NUDCD1: variants seen among roughly 807,000 people sequenced by gnomAD.
NUDCD1 encodes NudC domain containing 1.
Under a neutral mutation model 67.8 loss-of-function variants are expected in NUDCD1, and 60 were observed. The ratio of observed to expected loss-of-function variants is 0.88; its 90% CI spans 0.72 to 1.10. NUDCD1 has a LOEUF of 1.10. Ranked by LOEUF, NUDCD1 falls within the 50% of genes least tolerant of loss-of-function variation. The pLI is 0.00. For missense variants in NUDCD1, 643 were observed against 695.0 expected (o/e 0.93, Z 0.84); for synonymous variants, 244 against 230.8 (o/e 1.06, Z -0.52).
At position 109,245,403 on chromosome 8, in the gene NUDCD1, C is replaced by T; in HGVS notation, c.1378G>A (p.Asp460Asn). Residue 460 changes from aspartate to asparagine, a missense_variant, in exon 9 of 10, where the codon GAT becomes AAT. Coordinates refer to ENST00000239690, the MANE Select transcript of NUDCD1 (RefSeq NM_032869.4). ...KEMPCFCLRH[D>N]VDALLWQPHS... ...GGTTGCCAGAGTAGGGCATCAACAT[C>T]ATGGCGCAAACAGAAGCAGGGCATT... The T allele has an allele frequency of 6.2e-7, 1 of 1,613,812 alleles. No individual in the cohort carries two copies. Among genetic ancestry groups the T allele is most frequent in the Non-Finnish European group, 8.5e-7 (1 of 1,179,870 alleles).
chr8:109,276,260 A>C (rs1288806254), intron 6 of NUDCD1, among the ~76,000 whole-genome samples: 1 of 152,172 alleles, frequency 6.6e-6, no homozygotes, highest in African/African-American at 2.4e-5. Flanking sequence ...GACATAGGAG[A>C]AGAAGTAACT....
intron 9 of NUDCD1, among the ~76,000 whole-genome samples, chr8:109,243,907 T>C (rs1813436105): frequency 6.6e-6 from 1 of 152,116 alleles, no homozygotes; most frequent in Admixed American, 6.6e-5. Flanking sequence ...TGTTGATCAC[T>C]ATAACTTCAA....
rs1586285186 is a variant in NUDCD1 at position 109,293,531 on chromosome 8, A to G, written c.460-7T>C. The G allele has an allele frequency of 6.8e-7, 1 of 1,478,340 alleles. No homozygotes were observed. The highest frequency in any genetic ancestry group is 9.1e-7 in the Non-Finnish European group (1 of 1,098,128). 91.6% of individuals were successfully genotyped at this position (1,478,340 alleles called of 1,614,324 possible). On this transcript the variant is annotated splice_region_variant and splice_polypyrimidine_tract_variant and intron_variant, in intron 3 of 9. Transcript: ENST00000239690. Reference sequence around the variant, plus strand: ...GTTCTTCATTAAACATAATCTACAAAACAAAATTACACACACAAAAAAGTG... The same window carrying G: ...GTTCTTCATTAAACATAATCTACAAGACAAAATTACACACACAAAAAAGTG...
Position 109,311,559 on chromosome 8 carries a change from G to GTGTGTATAATA in NUDCD1, c.273+10749_273+10750insTATTATACACA. On this transcript the variant is annotated intron_variant, in intron 2 of 9. Coordinates refer to ENST00000239690, the MANE Select transcript of NUDCD1 (RefSeq NM_032869.4). ...AATGAGTGGATAAAGAAACTGTGGT[G>GTGTGTATAATA]TATATATATATATGATGGGATACTG... 2.2e-4 allele frequency among the ~76,000 whole-genome samples: 27 copies of GTGTGTATAATA among 125,168 alleles called. 2 individuals carry two copies. The highest frequency in any genetic ancestry group is 8.7e-4 in the African/African-American group (25 of 28,756). 82.1% of individuals were successfully genotyped at this position (125,168 alleles called of 152,430 possible).
At chr8:109,310,821 T>C (rs1815228155) in intron 2 of NUDCD1, among the ~76,000 whole-genome samples, 1 of 144,438 alleles carries the variant, frequency 6.9e-6, no homozygotes, top group Admixed American at 6.9e-5. Context: ...TTTTTTTTTT[T>C]TTTTTTTTTT....
Position 109,322,346 on chromosome 8 carries a change from T to C in NUDCD1, c.236A>G (p.Asp79Gly). Reference protein sequence around the residue: ...SWYQDSVYYIDTLGRIMNLTV... With the variant: ...SWYQDSVYYIGTLGRIMNLTV... ...TAAATTCATAATTCTTCCAAGGGTATCAATATAGTAGACACTGTCTTGATA... is the reference window on the plus strand; with the variant it reads ...TAAATTCATAATTCTTCCAAGGGTACCAATATAGTAGACACTGTCTTGATA... The change falls in exon 2 of 10, where the codon GAT becomes GGT. Residue 79 changes from aspartate (D) to glycine (G), a missense_variant. Transcript: ENST00000239690. 6.4e-7 allele frequency: 1 copy of C among 1,565,048 alleles called. No homozygotes were observed. Among genetic ancestry groups the C allele is most frequent in the African/African-American group, 1.3e-5 (1 of 74,238 alleles).
chr8:109,282,562 C>T (rs1234783469), intron 5 of NUDCD1, among the ~76,000 whole-genome samples: 3 of 151,782 alleles, frequency 2.0e-5, no homozygotes, highest in African/African-American at 4.8e-5. Context: ...ATTTGAAGTG[C>T]CAGAATCTCT....
At chr8:109,284,028 T>C (rs1814519008) in intron 5 of NUDCD1, among the ~76,000 whole-genome samples, 1 of 143,366 alleles carries the variant, frequency 7.0e-6, no homozygotes, top group East Asian at 2.0e-4. Context: ...ACAAGGCCCA[T>C]CGGCATTCTA....
chr8:109,279,828 C>T (rs1814390009), intron 6 of NUDCD1, among the ~76,000 whole-genome samples: 5 of 152,066 alleles, frequency 3.3e-5, no homozygotes, highest in African/African-American at 1.2e-4. Context: ...GACGGGGTTT[C>T]ACCATGTTGG....
intron 2 of NUDCD1, among the ~76,000 whole-genome samples, chr8:109,320,771 A>G (rs1469568173): frequency 6.6e-6 from 1 of 152,204 alleles, no homozygotes; most frequent in Admixed American, 6.5e-5. Flanking sequence ...TAATTTGGGG[A>G]GCTAATATAT....
intron 1 of NUDCD1, among the ~76,000 whole-genome samples, chr8:109,330,718 C>A (rs78902864): frequency 0.024 from 3,682 of 152,220 alleles, 136 homozygotes; most frequent in African/African-American, 0.084. Flanking sequence ...TAAAAAGGAA[C>A]ACAATCATAT....
At chr8:109,311,578 G>C (rs1243353277) in intron 2 of NUDCD1, among the ~76,000 whole-genome samples, 1 of 78,998 alleles carries the variant, frequency 1.3e-5, no homozygotes, top group East Asian at 3.0e-4. Context: ...TATATGATGG[G>C]ATACTGCTCA....
intron 6 of NUDCD1, 114 bp from the exon 7 acceptor site, chr8:109,275,610 G>C (rs1440530096): frequency 1.0e-6 from 1 of 985,542 alleles, no homozygotes; most frequent in South Asian, 1.9e-5. Flanking sequence ...CCGGTGTCCA[G>C]AGGATGGTTT....
chr8:109,309,391 C>T (rs1390526962), intron 2 of NUDCD1, among the ~76,000 whole-genome samples: 70 of 152,154 alleles, frequency 4.6e-4, no homozygotes, highest in Non-Finnish European at 1.3e-4. Flanking sequence ...GCAGATAAAG[C>T]ATTCAACAAA....
intron 3 of NUDCD1, among the ~76,000 whole-genome samples, chr8:109,294,428 TA>T (rs35849920): frequency 5.9e-5 from 9 of 151,820 alleles, no homozygotes; most frequent in African/African-American, 1.9e-4. Context: ...AACAAAAGCT[TA>T]AAAAAAATCC....
chr8:109,252,723 A>G (rs1813649314), intron 8 of NUDCD1, among the ~76,000 whole-genome samples: 1 of 152,206 alleles, frequency 6.6e-6, no homozygotes. Context: ...CAGGTGAACC[A>G]GTGTCCCTAT....
intron 2 of NUDCD1, among the ~76,000 whole-genome samples, chr8:109,300,714 G>A (rs1814965643): frequency 6.6e-6 from 1 of 152,182 alleles, no homozygotes; most frequent in Admixed American, 6.5e-5. Context: ...AGCCTTGCTA[G>A]ATACCTAGAC....
At chr8:109,318,036 A>G (rs1032284969) in intron 2 of NUDCD1, among the ~76,000 whole-genome samples, 2 of 152,172 alleles carry the variant, frequency 1.3e-5, no homozygotes, top group Non-Finnish European at 2.9e-5. Flanking sequence ...TAATGGTAAA[A>G]CAGTTTTTAT....
chr8:109,287,713 C>T (rs1358479676), intron 5 of NUDCD1, among the ~76,000 whole-genome samples: 1 of 152,028 alleles, frequency 6.6e-6, no homozygotes, highest in Non-Finnish European at 1.5e-5. Context: ...CATTCGTACT[C>T]CAAATCTAAG....
Sources: allele counts gnomAD v4.1 joint callset (sites outside exome capture counted in the v4.1 genomes callset), GRCh38; gene constraint gnomAD v4.1.1; transcripts MANE v1.5; gene names NCBI Gene and HGNC (gene_info 2026-07-23, HGNC 2026-07-21).